PLSCR4: variants seen among roughly 807,000 people sequenced by gnomAD.
The protein encoded by PLSCR4 is Ca(2+)-dependent phospholipid scramblase 4.
PLSCR4 carries 25 observed loss-of-function variants against 36.3 expected under a neutral mutation model. The ratio of observed to expected loss-of-function variants is 0.69; its 90% CI spans 0.50 to 0.96. PLSCR4 has a LOEUF of 0.96. Among genes scored for constraint, PLSCR4 ranks in the 40% least tolerant of loss-of-function variants. The probability of loss-of-function intolerance (pLI) is 0.00; values close to 1 mark genes in which losing one functional copy is unlikely to be tolerated. For synonymous variants in PLSCR4, 122 were observed against 132.9 expected (o/e 0.92, Z 0.56); for missense variants, 408 against 414.7 (o/e 0.98, Z 0.14).
intron 1 of PLSCR4, among the ~76,000 whole-genome samples, chr3:146,248,035 G>T (rs749127795): frequency 3.3e-5 from 5 of 152,122 alleles, no homozygotes; most frequent in Non-Finnish European, 7.3e-5. Flanking sequence ...ATGAATTTTA[G>T]CACAATGCTG....
chr3:146,228,188 T>G (rs1446627519), intron 1 of PLSCR4, among the ~76,000 whole-genome samples: 1 of 152,292 alleles, frequency 6.6e-6, no homozygotes, highest in East Asian at 1.9e-4. Flanking sequence ...AAACAGTGCC[T>G]GCCATATAAA....
intron 1 of PLSCR4, among the ~76,000 whole-genome samples, chr3:146,227,788 CA>C (rs1200467117): frequency 6.6e-6 from 1 of 152,200 alleles, no homozygotes; most frequent in African/African-American, 2.4e-5. Flanking sequence ...GAAAGCAGGT[CA>C]ATGAGCAATT....
intron 1 of PLSCR4, among the ~76,000 whole-genome samples, chr3:146,245,218 T>A (rs2036291797): frequency 1.3e-5 from 2 of 152,034 alleles, no homozygotes; most frequent in African/African-American, 4.8e-5. Flanking sequence ...CAGATGATTT[T>A]AATATATCCC....
chr3:146,202,099 C>T (rs1168653904), intron 4 of PLSCR4, among the ~76,000 whole-genome samples: 1 of 151,972 alleles, frequency 6.6e-6, no homozygotes, highest in Non-Finnish European at 1.5e-5. Context: ...GTACAAAGGG[C>T]ACAATCTATG....
rs193159596 is a variant in PLSCR4, at chr3:146,225,006, T to G, written c.-21-2914A>C. 3.7e-3 allele frequency among the ~76,000 whole-genome samples: 563 copies of G among 151,534 alleles called. 2 individuals carry two copies. The highest frequency in any genetic ancestry group is 0.013 in the African/African-American group (529 of 41,256). On this transcript the variant is annotated intron_variant, in intron 1 of 8. Transcript: ENST00000354952. Reference sequence around the variant, plus strand: ...CACAAACCTTGAGCTAAACACAGGGTGCTGATTGGTGTATTTACAAACCTT... The same window carrying G: ...CACAAACCTTGAGCTAAACACAGGGGGCTGATTGGTGTATTTACAAACCTT...
intron 1 of PLSCR4, among the ~76,000 whole-genome samples, chr3:146,235,069 A>T (rs2035860895): frequency 6.6e-6 from 1 of 152,130 alleles, no homozygotes; most frequent in African/African-American, 2.4e-5. Context: ...AATAATATGC[A>T]AAATGACTAC....
At chr3:146,249,107 T>C (rs2036455004) in intron 1 of PLSCR4, among the ~76,000 whole-genome samples, 2 of 152,236 alleles carry the variant, frequency 1.3e-5, no homozygotes, top group East Asian at 1.9e-4. Flanking sequence ...TCTTTTTTTT[T>C]CTATTAACAA....
At chr3:146,197,819 C>T (rs549738097) in intron 6 of PLSCR4, among the ~76,000 whole-genome samples, 1 of 152,212 alleles carries the variant, frequency 6.6e-6, no homozygotes, top group African/African-American at 2.4e-5. Context: ...CAGGACTGCA[C>T]AGCTTCATAA....
At chr3:146,199,439 G>A (rs1051538884) in intron 6 of PLSCR4, among the ~76,000 whole-genome samples, 1 of 151,990 alleles carries the variant, frequency 6.6e-6, no homozygotes, top group African/African-American at 2.4e-5. Flanking sequence ...ACATATTTAA[G>A]TCCCTTCCAA....
intron 3 of PLSCR4, among the ~76,000 whole-genome samples, chr3:146,207,119 G>A (rs1027799201): frequency 2.0e-5 from 3 of 151,972 alleles, no homozygotes; most frequent in South Asian, 4.1e-4. Context: ...AATTACTAAC[G>A]TATTAATTAC....
chr3:146,198,037 AAT>A (rs1171343028), intron 6 of PLSCR4, among the ~76,000 whole-genome samples: 4 of 152,144 alleles, frequency 2.6e-5, no homozygotes, highest in African/African-American at 9.7e-5. Flanking sequence ...AGCTTGTACG[AAT>A]CTCCAGTTAA....
intron 3 of PLSCR4, among the ~76,000 whole-genome samples, chr3:146,208,993 G>A (rs978003859): frequency 2.0e-5 from 3 of 152,068 alleles, no homozygotes; most frequent in Non-Finnish European, 2.9e-5. Flanking sequence ...GCTATAATAC[G>A]GAACTAGCCC....
intron 6 of PLSCR4, among the ~76,000 whole-genome samples, chr3:146,197,046 T>C (rs2033785293): frequency 6.6e-6 from 1 of 152,188 alleles, no homozygotes; most frequent in South Asian, 2.1e-4. Flanking sequence ...TAATGGCCAG[T>C]TGTCCAAGTT....
At chr3:146,219,320 G>T (rs747269549) in intron 3 of PLSCR4, among the ~76,000 whole-genome samples, 1 of 152,112 alleles carries the variant, frequency 6.6e-6, no homozygotes, top group East Asian at 1.9e-4. Context: ...TGTTCTAGTA[G>T]GGTCTAGGTT....
chr3:146,227,586 GAAATTCAATCACA>G (rs2035530305), intron 1 of PLSCR4, among the ~76,000 whole-genome samples: 1 of 151,756 alleles, frequency 6.6e-6, no homozygotes, highest in African/African-American at 2.4e-5. Flanking sequence ...GGGATATTTG[GAAATTCAATCACA>G]AAACTCAACA....
intron 1 of PLSCR4, among the ~76,000 whole-genome samples, chr3:146,241,838 T>C (rs1420215965): frequency 6.6e-6 from 1 of 152,208 alleles, no homozygotes; most frequent in African/African-American, 2.4e-5. Flanking sequence ...TGTAATGAGC[T>C]AGGAATTACT....
chr3:146,194,510 T>C (rs1045430513), intron 8 of PLSCR4, 55 bp from the exon 9 acceptor site: 7 of 1,049,184 alleles, frequency 6.7e-6, no homozygotes, highest in Non-Finnish European at 1.0e-5. Context: ...GTATAATGCA[T>C]GCGGTATTAT....
intron 4 of PLSCR4, among the ~76,000 whole-genome samples, chr3:146,202,258 T>C (rs1323996098): frequency 6.6e-6 from 1 of 151,874 alleles, no homozygotes; most frequent in African/African-American, 2.4e-5. Context: ...AAAGTAAAAA[T>C]ATAAACTACA....
chr3:146,238,196 AC>A (rs1252056969), intron 1 of PLSCR4, among the ~76,000 whole-genome samples: 2 of 149,688 alleles, frequency 1.3e-5, no homozygotes, highest in East Asian at 1.9e-4. Flanking sequence ...AACCAAAAAA[AC>A]TTCCCACAAA....
Sources: gnomAD v4.1 joint callset for allele counts (sites outside exome capture counted in the v4.1 genomes callset) on GRCh38, gnomAD v4.1.1 for gene constraint, MANE v1.5 for transcripts, NCBI Gene and HGNC (gene_info 2026-07-23, HGNC 2026-07-21) for gene names.